Variants in ZZEF1 observed in about 807,000 individuals in gnomAD.
ZZEF1 encodes zinc finger ZZ-type and EF-hand domain-containing protein 1.
ZZEF1 carries 157 observed loss-of-function variants against 342.8 expected under a neutral mutation model. That is an observed-to-expected ratio of 0.46 (90% confidence interval 0.40 to 0.52). The LOEUF is 0.52. ZZEF1 is among the 20% of genes least tolerant of loss of function. The pLI is 0.00. For synonymous variants in ZZEF1, 1,505 were observed against 1,429.1 expected, an observed-to-expected ratio of 1.05 and a Z score of -1.20; for missense variants, 3,480 against 3,725.6, an observed-to-expected ratio of 0.93 and a Z score of 1.72.
chr17:4,013,702 T>A (rs2056028384), intron 51 of ZZEF1, 88 bp from the exon 52 acceptor site: 1 of 1,350,272 alleles, frequency 7.4e-7, no homozygotes, highest in Admixed American at 2.6e-5. Context: ...ATTGTGTACG[T>A]TAAGAATTCT....
intron 39 of ZZEF1, among the ~76,000 whole-genome samples, chr17:4,040,253 C>CA (rs1319974978): frequency 6.6e-6 from 1 of 151,960 alleles, no homozygotes; most frequent in East Asian, 1.9e-4. Flanking sequence ...TCTAGCGCAA[C>CA]AAAAAATGAA....
intron 35 of ZZEF1, 82 bp from the exon 36 acceptor site, chr17:4,051,125 AGCATGTGGTC>A (rs1462954621): frequency 1.2e-6 from 2 of 1,600,218 alleles, no homozygotes; most frequent in Non-Finnish European, 1.7e-6. Context: ...GCCTTAGGAG[AGCATGTGGTC>A]GCAACTGGGC....
At position 4,104,896 on chromosome 17, in the gene ZZEF1, A is replaced by G. The variant is rs1046670171; in HGVS notation, c.1395-85T>C. 1.9e-5 allele frequency: 22 copies of G among 1,170,490 alleles called. 1 individual carries two copies. In the Middle Eastern group the frequency reaches 1.4e-3, roughly 72 times the overall value. The allele number at this position is 1,170,490 out of a possible 1,614,324, so 72.5% of individuals were successfully genotyped here. ...CAAACCCCATGTAAGTGATCAACAC[A>G]AGTAACATTAACCTGCCATATGCTT... On this transcript the variant is annotated intron_variant, in intron 7 of 54. Coordinates refer to ENST00000381638, the MANE Select transcript of ZZEF1 (RefSeq NM_015113.4).
At chr17:4,085,606 A>G (rs1333415285) in intron 16 of ZZEF1, 64 bp downstream of exon 16, 16 of 1,600,640 alleles carry the variant, frequency 1.0e-5, no homozygotes, top group Non-Finnish European at 1.3e-5. Flanking sequence ...AGAGGTAACA[A>G]AGCCTAGCAA....
intron 52 of ZZEF1, 35 bp from the exon 53 acceptor site, chr17:4,009,792 G>C (rs1346025812): frequency 1.2e-6 from 2 of 1,605,692 alleles, no homozygotes; most frequent in Middle Eastern, 1.7e-4. Context: ...TCAGTTTACT[G>C]AGAGCCATGC....
rs772969424 is a variant in ZZEF1 at position 4,081,249 on chromosome 17, A to G, written c.2829+127T>C. The G allele has an allele frequency of 9.1e-5, 73 of 799,716 alleles. No homozygotes were observed. In the Middle Eastern group the frequency reaches 1.9e-3, roughly 21 times the overall value. 49.5% of individuals were successfully genotyped at this position (799,716 alleles called of 1,614,324 possible). A position where few individuals can be genotyped will look rare whatever the true frequency, so the allele number is the denominator to read the frequency against. On this transcript the variant is annotated intron_variant, in intron 18 of 54. Transcript: ENST00000381638. Reference sequence around the variant, plus strand: ...AAGACCCTATCTCAAAACAACAACAACAACAGAAAAAACCACAACAAAGTA... The same window carrying G: ...AAGACCCTATCTCAAAACAACAACAGCAACAGAAAAAACCACAACAAAGTA...
intron 8 of ZZEF1, among the ~76,000 whole-genome samples, chr17:4,103,501 T>G (rs6502769): frequency 0.077 from 11,681 of 151,980 alleles, 527 homozygotes; most frequent in South Asian, 0.13. Context: ...GGGCTCAGAT[T>G]ATGCCAGTGC....
At chr17:4,025,139 GA>G (rs762882831) in intron 42 of ZZEF1, 21 bp from the exon 43 acceptor site, 1 of 1,611,442 alleles carries the variant, frequency 6.2e-7, no homozygotes, top group Non-Finnish European at 8.5e-7. Context: ...ACATCAGGCA[GA>G]AAAAGAAAGG....
In ZZEF1 at chr17:4,059,199, C is replaced by G. The variant is rs1188789085; in HGVS notation, c.4975G>C (p.Val1659Leu). The change falls in exon 31 of 55, where the codon GTT becomes CTT. Residue 1659 changes from valine to leucine, a missense_variant. By Grantham distance (32) the Val-to-Leu change is conservative. Transcript: ENST00000381638. ...TCATTTAGGCTACTAAATCCTTTAA[C>G]TGCTTTGACCAAAAACAGAACAAGT... ...YQLVLFLVKAVKGFSSLNDRS... is the reference protein window; with the variant it reads ...YQLVLFLVKALKGFSSLNDRS... The G allele has an allele frequency of 6.2e-7, 1 of 1,603,528 alleles. No homozygotes were observed. Among genetic ancestry groups the G allele is most frequent in the African/African-American group, 1.3e-5 (1 of 74,444 alleles).
Position 4,064,641 on chromosome 17 carries a change from C to A in ZZEF1, c.4438G>T (p.Ala1480Ser), listed in dbSNP as rs375685485. The A allele has an allele frequency of 9.3e-6, 15 of 1,613,976 alleles. No individual in the cohort carries two copies. Among genetic ancestry groups the A allele is most frequent in the Non-Finnish European group, 1.3e-5 (15 of 1,180,024 alleles). ...FQASVSPTEAAPPATGDQSPG... is the reference protein window; with the variant it reads ...FQASVSPTEASPPATGDQSPG... Reference sequence around the variant, plus strand: ...CTCTGGTCTCCTGTGGCAGGGGGTGCGGCTTCAGTGGGAGATACTGAGGCT... The same window carrying A: ...CTCTGGTCTCCTGTGGCAGGGGGTGAGGCTTCAGTGGGAGATACTGAGGCT... Residue 1480 changes from alanine to serine, a missense_variant, in exon 29 of 55, where the codon GCA becomes TCA. This residue lies in a region of ZZEF1 where 1,528 missense variants were observed against 1,624.1 expected (regional missense o/e 0.94). Transcript: ENST00000381638.
At position 4,076,959 on chromosome 17, in the gene ZZEF1, G is replaced by T. The variant is rs749909881; in HGVS notation, c.3020C>A (p.Ala1007Glu). 1.2e-6 allele frequency: 2 copies of T among 1,613,822 alleles called. No individual in the cohort carries two copies. The highest frequency in any genetic ancestry group is 3.3e-5 in the Admixed American group (2 of 60,002). Residue 1007 changes from alanine to glutamate, a missense_variant, in exon 20 of 55, where the codon GCG becomes GAG. Coordinates refer to ENST00000381638, the MANE Select transcript of ZZEF1 (RefSeq NM_015113.4). ...CTGTGAGAAAAGGGATTCCAAAATCGCTCTCATGCTTGCCAGAAACTGGCC... is the reference window on the plus strand; with the variant it reads ...CTGTGAGAAAAGGGATTCCAAAATCTCTCTCATGCTTGCCAGAAACTGGCC... Reference protein sequence around the residue: ...YVGQFLASMRAILESLFSQYS... With the variant: ...YVGQFLASMREILESLFSQYS...
intron 11 of ZZEF1, among the ~76,000 whole-genome samples, chr17:4,092,194 G>A (rs1597879688): frequency 6.6e-6 from 1 of 151,910 alleles, no homozygotes; most frequent in Non-Finnish European, 1.5e-5. Flanking sequence ...TAGCCACCAA[G>A]CTGGCGACAC....
chr17:4,053,979 T>A, intron 34 of ZZEF1, 78 bp downstream of exon 34: 3 of 1,474,718 alleles, frequency 2.0e-6, no homozygotes, highest in South Asian at 1.4e-5. Context: ...ACACTGAGAG[T>A]TTTTAAAAAT....
At chr17:4,080,741 AAC>A (rs1248243506) in intron 18 of ZZEF1, among the ~76,000 whole-genome samples, 2 of 151,026 alleles carry the variant, frequency 1.3e-5, no homozygotes, top group Non-Finnish European at 3.0e-5. Context: ...TCACACCACT[AAC>A]ACATATCTGT....
chr17:4,072,643 T>C lies in ZZEF1; in HGVS notation c.3799A>G (p.Ser1267Gly). ...QVCPELELEA[S>G]WPTHPHRNSK... ...TTCCGGTGTGGGTGAGTGGGCCAGCTTGCTTCTAATTCCAACTCTGGACAA... is the reference window on the plus strand; with the variant it reads ...TTCCGGTGTGGGTGAGTGGGCCAGCCTGCTTCTAATTCCAACTCTGGACAA... Residue 1267 changes from serine to glycine, a missense_variant, in exon 25 of 55, where the codon AGC becomes GGC. By Grantham distance (56) the Ser-to-Gly change is moderately conservative. Coordinates refer to ENST00000381638, the MANE Select transcript of ZZEF1 (RefSeq NM_015113.4). The C allele has an allele frequency of 1.2e-6, 2 of 1,614,020 alleles. No homozygotes were observed. The highest frequency in any genetic ancestry group is 1.7e-6 in the Non-Finnish European group (2 of 1,179,926).
At position 4,076,335 on chromosome 17, in the gene ZZEF1, G is replaced by C. The variant is rs373691188; in HGVS notation, c.3234+302C>G. The C allele has an allele frequency of 5.7e-5, 10 of 174,096 alleles. No individual in the cohort carries two copies. In the South Asian group the frequency reaches 1.2e-3, roughly 21 times the overall value. 10.8% of individuals were successfully genotyped at this position (174,096 alleles called of 1,614,324 possible). On this transcript the variant is annotated intron_variant, in intron 21 of 54. Coordinates refer to ENST00000381638, the MANE Select transcript of ZZEF1 (RefSeq NM_015113.4). The stretch of plus-strand genomic sequence containing the variant: ...TTTTTAGTAGAGACGGGGTTTCACC[G>C]TGTTAGCCAGGATGGTCTCGATCTC...
At chr17:4,132,491 C>T (rs545979004) in intron 1 of ZZEF1, among the ~76,000 whole-genome samples, 8 of 151,592 alleles carry the variant, frequency 5.3e-5, no homozygotes, top group African/African-American at 1.9e-4. Context: ...GAGGTCAGGG[C>T]ATCAAGACCA....
At chr17:4,068,420 G>A (rs772789390) in intron 26 of ZZEF1, among the ~76,000 whole-genome samples, 3 of 152,110 alleles carry the variant, frequency 2.0e-5, no homozygotes, top group Non-Finnish European at 4.4e-5. Context: ...CCGAGTAGCT[G>A]GAATTACAGG....
intron 12 of ZZEF1, 102 bp downstream of exon 12, chr17:4,090,617 G>T: frequency 1.2e-6 from 1 of 865,364 alleles, no homozygotes; most frequent in African/African-American, 1.6e-5. Flanking sequence ...AGGTAGATTC[G>T]CCTCTGGGGT....
Sources: gnomAD v4.1 joint callset for allele counts (sites outside exome capture counted in the v4.1 genomes callset) on GRCh38, gnomAD v4.1.1 for gene constraint, gnomAD v4.1.1 regional missense constraint, MANE v1.5 for transcripts, NCBI Gene and HGNC (gene_info 2026-07-23, HGNC 2026-07-21) for gene names.